UTRN: variants seen among roughly 807,000 people sequenced by gnomAD.
UTRN encodes the protein utrophin, also known as dystrophin-related protein 1.
A neutral mutation model predicts 463.9 loss-of-function variants in UTRN; 283 were observed. The observed-to-expected ratio is 0.61, with a 90% CI of 0.55 to 0.67. The LOEUF is 0.67. UTRN is among the 30% of genes least tolerant of loss of function. UTRN has a pLI of 0.00. For missense variants in UTRN, 3,922 were observed against 4,084.3 expected (o/e 0.96, Z 1.08); for synonymous variants, 1,442 against 1,431.5 (o/e 1.01, Z -0.17).
At position 144,321,355 on chromosome 6, in the gene UTRN, G is replaced by A. The variant is rs141360123; in HGVS notation, c.79+29448G>A. On this transcript the variant is annotated intron_variant, in intron 2 of 74. Transcript: ENST00000367545. ...CTATAAAAGAGGCACTTCTATTTTC[G>A]CCTTTTTACAGTCAGGAAGCCAAGG... is the stretch of plus-strand genomic sequence containing the variant. Among the ~76,000 whole-genome samples, 130 of 151,240 alleles carry A rather than the reference G, an allele frequency of 8.6e-4. 1 individual carries two copies. The highest frequency in any genetic ancestry group is 2.7e-3 in the African/African-American group (112 of 41,214).
At chr6:144,713,727 C>G (rs1264807589) in intron 53 of UTRN, among the ~76,000 whole-genome samples, 1 of 151,654 alleles carries the variant, frequency 6.6e-6, no homozygotes, top group Non-Finnish European at 1.5e-5. Context: ...TCTAGACCAG[C>G]CTGACCAACA....
chr6:144,515,554 G>T (rs1301877721), intron 37 of UTRN, among the ~76,000 whole-genome samples: 1 of 151,780 alleles, frequency 6.6e-6, no homozygotes, highest in Non-Finnish European at 1.5e-5. Context: ...ATGTAGGAAA[G>T]TACTACCTGA....
chr6:144,329,312 A>G (rs910885262), intron 2 of UTRN, among the ~76,000 whole-genome samples: 1 of 150,522 alleles, frequency 6.6e-6, no homozygotes, highest in Admixed American at 6.6e-5. Flanking sequence ...CGATCTCTTG[A>G]CCTTGTGATC....
At chr6:144,446,200 A>G (rs940514378) in intron 14 of UTRN, among the ~76,000 whole-genome samples, 2 of 152,212 alleles carry the variant, frequency 1.3e-5, no homozygotes, top group Non-Finnish European at 2.9e-5. Context: ...AGTCACTTGT[A>G]CCACTTTAGG....
chr6:144,842,297 G>A (rs528359633), intron 73 of UTRN, among the ~76,000 whole-genome samples: 1 of 152,050 alleles, frequency 6.6e-6, no homozygotes, highest in African/African-American at 2.4e-5. Context: ...ATATATTTCT[G>A]GCCCAGGTGC....
rs79505432 is a variant in UTRN at position 144,592,092 on chromosome 6, C to T, written c.7479+14804C>T. On this transcript the variant is annotated intron_variant, in intron 51 of 74. Coordinates refer to ENST00000367545, the MANE Select transcript of UTRN (RefSeq NM_007124.3). ...TATAGCCTTCCTTTTACACTTTACA[C>T]ATCGTGAATGCTTTGTAGGTCATGA... 6.0e-3 allele frequency among the ~76,000 whole-genome samples: 914 copies of T among 152,226 alleles called. 14 individuals are homozygous for T. Among genetic ancestry groups the T allele is most frequent in the African/African-American group, 0.021 (872 of 41,524 alleles).
At chr6:144,626,257 A>T (rs866815472) in intron 51 of UTRN, among the ~76,000 whole-genome samples, 2 of 152,324 alleles carry the variant, frequency 1.3e-5, no homozygotes, top group African/African-American at 4.8e-5. Context: ...CAAACATCTG[A>T]AAAACTCTCC....
chr6:144,804,010 C>T (rs1777928569), intron 65 of UTRN, among the ~76,000 whole-genome samples: 2 of 151,912 alleles, frequency 1.3e-5, no homozygotes, highest in South Asian at 4.1e-4. Flanking sequence ...CTTGTTTTTC[C>T]TTTGATTTAC....
At chr6:144,587,610 A>C (rs1401861831) in intron 51 of UTRN, among the ~76,000 whole-genome samples, 4 of 152,134 alleles carry the variant, frequency 2.6e-5, no homozygotes, top group South Asian at 2.1e-4. Context: ...CACTGAATGG[A>C]GTGGTGTATT....
chr6:144,543,079 A>G (rs999242086), intron 46 of UTRN, among the ~76,000 whole-genome samples: 22 of 152,220 alleles, frequency 1.4e-4, no homozygotes, highest in African/African-American at 5.1e-4. Context: ...TTCTCGCGGC[A>G]GATAAGGCTG....
chr6:144,763,868 A>G (rs894400108), intron 58 of UTRN, among the ~76,000 whole-genome samples: 24 of 152,212 alleles, frequency 1.6e-4, no homozygotes, highest in Admixed American at 6.5e-4. Flanking sequence ...GGGTCCCTAC[A>G]GCAGTCTTTA....
At chr6:144,846,195 G>GCTAT (rs1348756813) in intron 73 of UTRN, among the ~76,000 whole-genome samples, 1 of 152,228 alleles carries the variant, frequency 6.6e-6, no homozygotes, top group African/African-American at 2.4e-5. Context: ...AAGGAATTGA[G>GCTAT]CTATCTGTGT....
intron 54 of UTRN, among the ~76,000 whole-genome samples, chr6:144,744,814 C>A (rs1790530215): frequency 2.0e-5 from 3 of 152,182 alleles, no homozygotes; most frequent in Admixed American, 2.0e-4. Flanking sequence ...CACTGAGCTT[C>A]ATTTGCTCTC....
chr6:144,813,397 C>T (rs1260975805), intron 65 of UTRN, among the ~76,000 whole-genome samples: 3 of 151,986 alleles, frequency 2.0e-5, no homozygotes, highest in Non-Finnish European at 4.4e-5. Context: ...CCTTGTTAGC[C>T]AGGATGATCT....
intron 51 of UTRN, among the ~76,000 whole-genome samples, chr6:144,615,205 ATATAT>A (rs1388974888): frequency 1.2e-4 from 19 of 152,280 alleles, no homozygotes; most frequent in South Asian, 2.1e-4. Context: ...AGTCAGTATT[ATATAT>A]TATAATATTA....
chr6:144,627,813 T>C (rs1454516786), intron 51 of UTRN, among the ~76,000 whole-genome samples: 1 of 149,868 alleles, frequency 6.7e-6, no homozygotes, highest in Non-Finnish European at 1.5e-5. Flanking sequence ...TTTTTTTTTT[T>C]TTTTGAGGTG....
intron 51 of UTRN, chr6:144,583,208 G>A (rs1271452103): frequency 1.2e-5 from 4 of 326,800 alleles, no homozygotes; most frequent in Admixed American, 9.7e-5. Context: ...TTGGCTGCTC[G>A]ACAACTTCCT....
intron 51 of UTRN, among the ~76,000 whole-genome samples, chr6:144,628,401 C>T (rs1776164740): frequency 6.6e-6 from 1 of 152,070 alleles, no homozygotes; most frequent in Admixed American, 6.6e-5. Flanking sequence ...AGGGTGTTAG[C>T]CCCTTTTTTT....
chr6:144,846,771 G>T (rs372066691), intron 73 of UTRN, 34 bp from the exon 74 acceptor site: 1 of 1,613,944 alleles, frequency 6.2e-7, no homozygotes, highest in East Asian at 2.2e-5. Flanking sequence ...TAACAGGACT[G>T]CCATTAAGTG....
Sources: gnomAD v4.1 joint callset for allele counts (sites outside exome capture counted in the v4.1 genomes callset) on GRCh38, gnomAD v4.1.1 for gene constraint, MANE v1.5 for transcripts, NCBI Gene and HGNC (gene_info 2026-07-23, HGNC 2026-07-21) for gene names.